The following ENPP1 variants were observed in gnomAD, a reference collection of about 807,000 sequenced individuals.
ENPP1 encodes the protein ectonucleotide pyrophosphatase/phosphodiesterase family member 1.
A neutral mutation model predicts 122.8 loss-of-function variants in ENPP1; 73 were observed. That is an observed-to-expected ratio of 0.59 (90% CI 0.49 to 0.72). The LOEUF is 0.72. ENPP1 is among the 30% of genes least tolerant of loss of function. The probability of loss-of-function intolerance (pLI) is 0.00; values close to 1 mark genes in which losing one functional copy is unlikely to be tolerated. For synonymous variants in ENPP1, 367 were observed against 391.6 expected, an observed-to-expected ratio of 0.94 and a Z score of 0.74; for missense variants, 978 against 1,128.1, an observed-to-expected ratio of 0.87 and a Z score of 1.91.
In ENPP1 at chr6:131,847,814, T is replaced by C; in HGVS notation, c.279T>C (p.Cys93=). Residue 93 remains cysteine (C), a synonymous_variant, in exon 2 of 25, where the codon TGT becomes TGC. Coordinates refer to ENST00000647893, the MANE Select transcript of ENPP1 (RefSeq NM_006208.3). ...SVCVLTTILG[C]IFGLKPSCAK... ...GTGTGTTAACAACAATACTTGGTTG[T>C]ATATTTGGGTTGAAACCAAGCTGTG... is the stretch of plus-strand genomic sequence containing the variant. 6.2e-7 allele frequency: 1 copy of C among 1,612,404 alleles called. No individual in the cohort carries two copies. The highest frequency in any genetic ancestry group is 1.1e-5 in the South Asian group (1 of 91,010).
At chr6:131,862,809 C>T (rs2114704639) in intron 9 of ENPP1, among the ~76,000 whole-genome samples, 1 of 152,326 alleles carries the variant, frequency 6.6e-6, no homozygotes, top group Middle Eastern at 3.4e-3. Context: ...CAGCTGGAGG[C>T]CGCATGGCCC....
At chr6:131,863,330 A>G (rs566616787) in intron 9 of ENPP1, among the ~76,000 whole-genome samples, 1 of 152,350 alleles carries the variant, frequency 6.6e-6, no homozygotes, top group South Asian at 2.1e-4. Context: ...TCCATGATGC[A>G]TTGAGAAAAT....
At chr6:131,850,171 G>T in intron 3 of ENPP1, 65 bp downstream of exon 3, 1 of 1,109,864 alleles carries the variant, frequency 9.0e-7, no homozygotes, top group South Asian at 1.2e-5. Flanking sequence ...AAAGTTCTGT[G>T]TCTTTCAGGT....
At chr6:131,876,516 T>C (rs1782232091) in intron 17 of ENPP1, among the ~76,000 whole-genome samples, 1 of 152,194 alleles carries the variant, frequency 6.6e-6, no homozygotes, top group African/African-American at 2.4e-5. Context: ...TAGTAAGTGC[T>C]TACTACATAA....
At chr6:131,816,863 A>T (rs1239632884) in intron 1 of ENPP1, among the ~76,000 whole-genome samples, 1 of 152,214 alleles carries the variant, frequency 6.6e-6, no homozygotes, top group African/African-American at 2.4e-5. Context: ...GGAAAGTATG[A>T]TGACAGTCAA....
chr6:131,819,310 A>G (rs1781455439), intron 1 of ENPP1, among the ~76,000 whole-genome samples: 1 of 152,250 alleles, frequency 6.6e-6, no homozygotes, highest in Non-Finnish European at 1.5e-5. Context: ...CTTTCAAAAG[A>G]CAAATATAAG....
intron 1 of ENPP1, chr6:131,819,858 A>T (rs1477681167): frequency 8.9e-6 from 4 of 450,252 alleles, no homozygotes; most frequent in Non-Finnish European, 1.3e-5. Context: ...CAAATGATTG[A>T]TTCGACCAAT....
intron 1 of ENPP1, among the ~76,000 whole-genome samples, chr6:131,830,070 C>G (rs1781591654): frequency 1.3e-5 from 2 of 152,054 alleles, no homozygotes; most frequent in Admixed American, 6.5e-5. Context: ...ATGAGCATGC[C>G]TGGGATTTCA....
intron 24 of ENPP1, 58 bp downstream of exon 24, chr6:131,886,782 G>T (rs1348409886): frequency 2.0e-6 from 3 of 1,471,586 alleles, no homozygotes; most frequent in Admixed American, 1.7e-5. Flanking sequence ...ATGCATATTT[G>T]TTTATGTCAC....
chr6:131,871,597 TG>T (rs1782162663), intron 13 of ENPP1, among the ~76,000 whole-genome samples: 1 of 152,224 alleles, frequency 6.6e-6, no homozygotes, highest in African/African-American at 2.4e-5. Context: ...TAATTATTTT[TG>T]TTGTTGAGTA....
At chr6:131,844,338 A>G (rs1488940092) in intron 1 of ENPP1, among the ~76,000 whole-genome samples, 1 of 152,234 alleles carries the variant, frequency 6.6e-6, no homozygotes, top group Non-Finnish European at 1.5e-5. Flanking sequence ...TGCGTAAAGT[A>G]CAAACTTTGC....
intron 20 of ENPP1, among the ~76,000 whole-genome samples, chr6:131,880,254 A>G (rs1474703340): frequency 1.3e-5 from 2 of 152,082 alleles, no homozygotes; most frequent in African/African-American, 4.8e-5. Context: ...CTGTGAAATG[A>G]GGGTCGTGCA....
chr6:131,836,358 C>G (rs959452032), intron 1 of ENPP1, among the ~76,000 whole-genome samples: 13 of 152,208 alleles, frequency 8.5e-5, no homozygotes, highest in African/African-American at 3.1e-4. Context: ...AGGTGATCTG[C>G]CCGCCTCAGC....
intron 24 of ENPP1, among the ~76,000 whole-genome samples, chr6:131,889,617 G>A (rs1297604155): frequency 6.6e-6 from 1 of 152,052 alleles, no homozygotes; most frequent in African/African-American, 2.4e-5. Context: ...TCTTAATTTA[G>A]TCTATCATTG....
At chr6:131,872,011 A>G in intron 13 of ENPP1, 59 bp from the exon 14 acceptor site, 12 of 1,212,740 alleles carry the variant, frequency 9.9e-6, no homozygotes, top group Non-Finnish European at 1.5e-5. Context: ...ATATTTTTGT[A>G]TTATGTTTTA....
At chr6:131,840,687 T>TAGAA (rs1237687022) in intron 1 of ENPP1, among the ~76,000 whole-genome samples, 1 of 152,226 alleles carries the variant, frequency 6.6e-6, no homozygotes, top group Non-Finnish European at 1.5e-5. Context: ...GCTGGTTGTC[T>TAGAA]AGAAGTCAGA....
intron 1 of ENPP1, among the ~76,000 whole-genome samples, chr6:131,817,140 A>G (rs903007030): frequency 1.1e-4 from 17 of 150,288 alleles, no homozygotes; most frequent in Admixed American, 1.1e-3. Flanking sequence ...AAGCCACACC[A>G]TTAGTACATA....
intron 2 of ENPP1, among the ~76,000 whole-genome samples, chr6:131,848,312 A>G (rs1034992635): frequency 3.3e-5 from 5 of 152,148 alleles, no homozygotes; most frequent in African/African-American, 4.8e-5. Context: ...TTTTCTTTCC[A>G]TCAATTGCAG....
At position 131,872,806 on chromosome 6, in the gene ENPP1, A is replaced by T. The variant is rs1782178878; in HGVS notation, c.1438-117A>T. The T allele has an allele frequency of 5.7e-6, 6 of 1,049,684 alleles. No homozygotes were observed. In the South Asian group the frequency reaches 7.8e-5, roughly 14 times the overall value. The allele number at this position is 1,049,684 out of a possible 1,614,324, so 65.0% of individuals were successfully genotyped here. A position where few individuals can be genotyped will look rare whatever the true frequency, so the allele number is the denominator to read the frequency against. On this transcript the variant is annotated intron_variant, in intron 14 of 24. Transcript: ENST00000647893. ...GAAAGCAATTTCAAGAAAAGTTGAC[A>T]CTTTTTATAGATATTAGGGAAATAT...
Sources: gnomAD v4.1 joint callset for allele counts (sites outside exome capture counted in the v4.1 genomes callset) on GRCh38, gnomAD v4.1.1 for gene constraint, MANE v1.5 for transcripts, NCBI Gene and HGNC (gene_info 2026-07-23, HGNC 2026-07-21) for gene names.